The following TENM2 variants were observed in gnomAD, a reference collection of about 807,000 sequenced individuals.
The protein encoded by TENM2 is teneurin-2.
A neutral mutation model predicts 245.2 loss-of-function variants in TENM2; 52 were observed. The ratio of observed to expected loss-of-function variants is 0.21; its 90% CI spans 0.17 to 0.27. The LOEUF is 0.27. TENM2 is among the 10% of genes least tolerant of loss of function. The probability of loss-of-function intolerance (pLI) is 1.00; values close to 1 mark genes in which losing one functional copy is unlikely to be tolerated. For missense variants in TENM2, 3,046 were observed against 3,666.8 expected, an observed-to-expected ratio of 0.83 and a Z score of 4.37; for synonymous variants, 1,363 against 1,438.9, an observed-to-expected ratio of 0.95 and a Z score of 1.19.
chr5:167,487,332 T>C (rs1283859261), intron 2 of TENM2, among the ~76,000 whole-genome samples: 4 of 152,246 alleles, frequency 2.6e-5, no homozygotes, highest in South Asian at 2.1e-4. Flanking sequence ...CAGAACTAGA[T>C]AGATTTGCAT....
At chr5:167,546,020 C>T (rs1328599288) in intron 2 of TENM2, among the ~76,000 whole-genome samples, 1 of 152,142 alleles carries the variant, frequency 6.6e-6, no homozygotes, top group East Asian at 1.9e-4. Context: ...TATGAAGCAG[C>T]TCATTCAATG....
At chr5:168,040,032 A>G (rs1284365645) in intron 5 of TENM2, among the ~76,000 whole-genome samples, 2 of 152,146 alleles carry the variant, frequency 1.3e-5, no homozygotes, top group African/African-American at 4.8e-5. Flanking sequence ...GCCTGTCATG[A>G]GAATAGATTA....
the TENM2 span, among the ~76,000 whole-genome samples, chr5:167,070,133 T>TTTATTTATTTATTTATTTATTTATTTA: frequency 3.6e-3 from 538 of 147,860 alleles, 8 homozygotes; most frequent in African/African-American, 6.3e-3. Flanking sequence ...TTATTTATTT[T>TTTATTTATTTATTTATTTATTTATTTA]TTGAGACAGA....
At position 167,644,039 on chromosome 5, in the gene TENM2, T is replaced by C. The variant is rs59004179; in HGVS notation, c.503-231947T>C. ...TGCTGCAATATTTACATATTGTCTT[T>C]GCTGCATGCAATATAGTTACCCTCT... On this transcript the variant is annotated intron_variant, in intron 2 of 28. Transcript: ENST00000518659. Among the ~76,000 whole-genome samples, 1,612 of 152,286 alleles carry C rather than the reference T, an allele frequency of 0.011. 95 individuals carry two copies. In the East Asian group the frequency reaches 0.16, roughly 15 times the overall value.
chr5:167,695,102 C>T (rs753573335), intron 2 of TENM2, among the ~76,000 whole-genome samples: 1 of 152,146 alleles, frequency 6.6e-6, no homozygotes, highest in African/African-American at 2.4e-5. Context: ...TTTAGCCATG[C>T]TTATTCACAG....
At chr5:167,620,865 C>A (rs1778120964) in intron 2 of TENM2, among the ~76,000 whole-genome samples, 1 of 152,072 alleles carries the variant, frequency 6.6e-6, no homozygotes, top group Admixed American at 6.6e-5. Context: ...AACCCAGTTC[C>A]TTGGTTTCTC....
In TENM2 at chr5:167,534,005, C is replaced by A. The variant is rs1008612191; in HGVS notation, c.502+158532C>A. On this transcript the variant is annotated intron_variant, in intron 2 of 28. Transcript: ENST00000518659. Reference sequence around the variant, plus strand: ...AGAAGCAACAAGCTTGAGGTTTAGGCCTTGCTGAGTCACTGAGTGTGTGTC... The same window carrying A: ...AGAAGCAACAAGCTTGAGGTTTAGGACTTGCTGAGTCACTGAGTGTGTGTC... 4.6e-5 allele frequency among the ~76,000 whole-genome samples: 7 copies of A among 152,192 alleles called. 1 individual carries two copies. The highest frequency in any genetic ancestry group is 4.2e-4 in the South Asian group (2 of 4,816).
chr5:167,381,365 G>T (rs1761086583), intron 2 of TENM2, among the ~76,000 whole-genome samples: 1 of 152,148 alleles, frequency 6.6e-6, no homozygotes, highest in African/African-American at 2.4e-5. Context: ...TGTTAAAGGA[G>T]TTTAAGGTGT....
chr5:167,502,976 C>T (rs911800915), intron 2 of TENM2, among the ~76,000 whole-genome samples: 2 of 152,146 alleles, frequency 1.3e-5, no homozygotes, highest in Admixed American at 6.5e-5. Context: ...ACTACAGGCG[C>T]ACGCCACCAT....
intron 2 of TENM2, among the ~76,000 whole-genome samples, chr5:167,870,615 ATATG>A (rs1772740130): frequency 6.8e-6 from 1 of 147,616 alleles, no homozygotes; most frequent in African/African-American, 2.5e-5. Context: ...ATATGTATAT[ATATG>A]TATATATATA....
chr5:167,209,203 C>T, the TENM2 span, among the ~76,000 whole-genome samples: 62 of 152,118 alleles, frequency 4.1e-4, no homozygotes, highest in Admixed American at 1.2e-3. Context: ...TGAAAGAATG[C>T]GTATGAAGTA....
At chr5:167,832,650 G>A (rs1768608314) in intron 2 of TENM2, among the ~76,000 whole-genome samples, 1 of 151,566 alleles carries the variant, frequency 6.6e-6, no homozygotes, top group South Asian at 2.1e-4. Flanking sequence ...GATGGGGAGA[G>A]GAAAACAGGA....
intron 2 of TENM2, among the ~76,000 whole-genome samples, chr5:167,390,821 GAAC>G (rs1203943820): frequency 1.1e-4 from 16 of 152,242 alleles, no homozygotes; most frequent in African/African-American, 3.9e-4. Context: ...TTATGGCTAT[GAAC>G]AACAAGGCAC....
chr5:167,925,112 G>A (rs1203339503), intron 3 of TENM2, among the ~76,000 whole-genome samples: 1 of 152,064 alleles, frequency 6.6e-6, no homozygotes, highest in Non-Finnish European at 1.5e-5. Context: ...ACCCCAAGCT[G>A]GAAATAAATC....
chr5:167,657,385 G>T (rs1031130110), intron 2 of TENM2, among the ~76,000 whole-genome samples: 9 of 152,068 alleles, frequency 5.9e-5, no homozygotes, highest in Non-Finnish European at 1.2e-4. Flanking sequence ...TTCATCTGTT[G>T]GTGGACACCT....
At chr5:167,238,578 G>A in the TENM2 span, among the ~76,000 whole-genome samples, 6,758 of 151,968 alleles carry the variant, frequency 0.044, 491 homozygotes, top group African/African-American at 0.15. Context: ...TGCGGGACAA[G>A]CCTGCTAGGT....
intron 2 of TENM2, among the ~76,000 whole-genome samples, chr5:167,860,912 C>T (rs1161329803): frequency 8.3e-6 from 1 of 119,790 alleles, no homozygotes; most frequent in Non-Finnish European, 1.7e-5. Flanking sequence ...CTGCGGAAGG[C>T]CGCAGGGTCC....
At chr5:167,615,540 T>C (rs960152933) in intron 2 of TENM2, among the ~76,000 whole-genome samples, 1 of 152,170 alleles carries the variant, frequency 6.6e-6, no homozygotes, top group Non-Finnish European at 1.5e-5. Context: ...TTTAGTTGTG[T>C]TGTAATTTCA....
the TENM2 span, among the ~76,000 whole-genome samples, chr5:167,164,363 A>G: frequency 6.6e-6 from 1 of 152,252 alleles, no homozygotes; most frequent in Non-Finnish European, 1.5e-5. Flanking sequence ...TAGCTTCACT[A>G]TAGATGTCAA....
Sources: allele counts gnomAD v4.1 joint callset (sites outside exome capture counted in the v4.1 genomes callset), GRCh38; gene constraint gnomAD v4.1.1; transcripts MANE v1.5; gene names NCBI Gene and HGNC (gene_info 2026-07-23, HGNC 2026-07-21).